The following QTMAN variants were observed in gnomAD, a reference collection of about 807,000 sequenced individuals.
The protein encoded by QTMAN is queuosine-tRNA mannosyltransferase.
At chr2:144,279,099 G>A in the QTMAN span, among the ~76,000 whole-genome samples, 36 of 152,142 alleles carry the variant, frequency 2.4e-4, no homozygotes, top group Middle Eastern at 3.4e-3. Flanking sequence ...CCAGCATGTG[G>A]GTGAGGATCA....
At chr2:144,250,778 G>C in the QTMAN span, among the ~76,000 whole-genome samples, 2 of 144,430 alleles carry the variant, frequency 1.4e-5, no homozygotes, top group African/African-American at 5.1e-5. Flanking sequence ...AAAAACCTGT[G>C]CCATGTATTT....
At chr2:144,136,563 G>A in the QTMAN span, among the ~76,000 whole-genome samples, 1 of 151,992 alleles carries the variant, frequency 6.6e-6, no homozygotes, top group Non-Finnish European at 1.5e-5. Context: ...TTGCAGAAAG[G>A]TCTGGATATT....
the QTMAN span, chr2:144,007,668 GAA>G: frequency 1.6e-6 from 1 of 617,716 alleles, no homozygotes; most frequent in Non-Finnish European, 2.6e-6. Context: ...AAAAATTCCA[GAA>G]AAAGTGTAAA....
At chr2:144,146,751 C>T in the QTMAN span, among the ~76,000 whole-genome samples, 1 of 151,836 alleles carries the variant, frequency 6.6e-6, no homozygotes. Context: ...TTAGATGACA[C>T]AATTTTGATA....
the QTMAN span, among the ~76,000 whole-genome samples, chr2:144,045,463 A>T: frequency 3.9e-5 from 6 of 152,254 alleles, no homozygotes; most frequent in Non-Finnish European, 8.8e-5. Context: ...TAGTCCATTT[A>T]AGTTCATGTT....
the QTMAN span, among the ~76,000 whole-genome samples, chr2:144,000,933 G>A: frequency 2.0e-5 from 3 of 151,894 alleles, no homozygotes; most frequent in East Asian, 1.9e-4. Context: ...CCTGAAGACT[G>A]ATTTCCAAAA....
At chr2:144,063,059 G>A in the QTMAN span, among the ~76,000 whole-genome samples, 1 of 152,132 alleles carries the variant, frequency 6.6e-6, no homozygotes, top group Non-Finnish European at 1.5e-5. Flanking sequence ...ATTTTTGTCA[G>A]GCAGGTCTAT....
chr2:144,045,591 G>A, the QTMAN span, among the ~76,000 whole-genome samples: 2 of 152,198 alleles, frequency 1.3e-5, no homozygotes, highest in Non-Finnish European at 1.5e-5. Context: ...ACTGGAGTTT[G>A]GGGGTTGGGG....
At chr2:144,221,024 T>A in the QTMAN span, among the ~76,000 whole-genome samples, 1 of 152,210 alleles carries the variant, frequency 6.6e-6, no homozygotes. Flanking sequence ...CCAGGAGTAC[T>A]TGTATGTTAC....
chr2:144,201,907 C>A, the QTMAN span, among the ~76,000 whole-genome samples: 1 of 152,098 alleles, frequency 6.6e-6, no homozygotes, highest in African/African-American at 2.4e-5. Context: ...ATAGCAGAGA[C>A]TTTAGGAAAA....
the QTMAN span, among the ~76,000 whole-genome samples, chr2:144,130,782 A>T: frequency 6.6e-6 from 1 of 151,882 alleles, no homozygotes; most frequent in Non-Finnish European, 1.5e-5. Context: ...GCCACTGGTT[A>T]TCAGAAGACA....
At chr2:144,304,707 A>C in the QTMAN span, among the ~76,000 whole-genome samples, 2 of 152,188 alleles carry the variant, frequency 1.3e-5, no homozygotes, top group Non-Finnish European at 1.5e-5. Context: ...AGCCTCCCAA[A>C]GTGCTGGGAT....
At chr2:144,303,821 G>GC in the QTMAN span, among the ~76,000 whole-genome samples, 8 of 152,146 alleles carry the variant, frequency 5.3e-5, no homozygotes, top group Non-Finnish European at 1.2e-4. Context: ...ATCCCTAAAA[G>GC]AAAGGGAAAC....
chr2:144,312,184 T>C, the QTMAN span, among the ~76,000 whole-genome samples: 7 of 149,282 alleles, frequency 4.7e-5, no homozygotes, highest in African/African-American at 1.7e-4. Context: ...TTACATTCTT[T>C]TTTTTTTTTT....
the QTMAN span, among the ~76,000 whole-genome samples, chr2:144,061,759 T>C: frequency 6.6e-6 from 1 of 152,090 alleles, no homozygotes; most frequent in Non-Finnish European, 1.5e-5. Flanking sequence ...CCATTTGGCC[T>C]GCCACACCCC....
chr2:144,132,753 A>C, the QTMAN span, among the ~76,000 whole-genome samples: 2 of 151,928 alleles, frequency 1.3e-5, no homozygotes, highest in Non-Finnish European at 2.9e-5. Flanking sequence ...GGTTGGAGTC[A>C]TGTTGAATGG....
the QTMAN span, among the ~76,000 whole-genome samples, chr2:144,176,819 T>G: frequency 1.8e-4 from 28 of 152,206 alleles, no homozygotes; most frequent in Admixed American, 1.8e-3. Context: ...TTGGACACTG[T>G]ACTAGTCTGT....
chr2:144,063,482 A>G, the QTMAN span, among the ~76,000 whole-genome samples: 2 of 152,216 alleles, frequency 1.3e-5, no homozygotes, highest in African/African-American at 2.4e-5. Flanking sequence ...TATCAAGAGA[A>G]AACATGGATT....
At chr2:144,089,362 C>G in the QTMAN span, among the ~76,000 whole-genome samples, 3 of 151,994 alleles carry the variant, frequency 2.0e-5, no homozygotes, top group Non-Finnish European at 4.4e-5. Flanking sequence ...TAAACTAGTA[C>G]AGCCACTAAA....
Sources: gnomAD v4.1 joint callset for allele counts (sites outside exome capture counted in the v4.1 genomes callset) on GRCh38, gnomAD v4.1.1 for gene constraint, MANE v1.5 for transcripts, NCBI Gene and HGNC (gene_info 2026-07-23, HGNC 2026-07-21) for gene names.